MYBPC1: variants seen among roughly 807,000 people sequenced by gnomAD.
MYBPC1 encodes myosin binding protein C1.
MYBPC1 carries 52 observed loss-of-function variants against 147.1 expected under a neutral mutation model. The ratio of observed to expected loss-of-function variants is 0.35; its 90% CI spans 0.28 to 0.45. The LOEUF (loss-of-function observed/expected upper bound fraction) is 0.45, where lower values mean the gene tolerates loss of function less well. MYBPC1 is among the 20% of genes least tolerant of loss of function. MYBPC1 has a pLI of 1.00. For synonymous variants in MYBPC1, 477 were observed against 475.9 expected (o/e 1.00, Z -0.03); for missense variants, 1,228 against 1,440.3 (o/e 0.85, Z 2.39).
At chr12:101,632,316 T>C (rs1890078684) in intron 8 of MYBPC1, among the ~76,000 whole-genome samples, 178 bp downstream of exon 8, 1 of 152,180 alleles carries the variant, frequency 6.6e-6, no homozygotes, top group Non-Finnish European at 1.5e-5. Context: ...TAATTTATAA[T>C]AAAAGTAGAA....
chr12:101,689,355 T>C (rs1439496724), downstream of MYBPC1, among the ~76,000 whole-genome samples: 1 of 152,182 alleles, frequency 6.6e-6, no homozygotes, highest in Non-Finnish European at 1.5e-5. Flanking sequence ...ACTGCAGAGA[T>C]GCCTGTCATT....
chr12:101,647,817 G>A (rs1182216557), intron 13 of MYBPC1, among the ~76,000 whole-genome samples: 4 of 152,176 alleles, frequency 2.6e-5, no homozygotes, highest in East Asian at 1.9e-4. Flanking sequence ...AACCTAGGGG[G>A]TGGAGGTTAC....
At chr12:101,687,090 A>T (rs1006211409), downstream of MYBPC1, among the ~76,000 whole-genome samples, 20 of 151,854 alleles carry the variant, frequency 1.3e-4, no homozygotes, top group Non-Finnish European at 2.9e-4. Flanking sequence ...TATTTTTATT[A>T]TACTCTAAGT....
chr12:101,636,102 G>A (rs538370143), intron 9 of MYBPC1, among the ~76,000 whole-genome samples: 1 of 152,052 alleles, frequency 6.6e-6, no homozygotes, highest in Non-Finnish European at 1.5e-5. Flanking sequence ...AAGACAGAAA[G>A]GAATGCATCT....
chr12:101,605,189 G>T (rs1366985018), intron 1 of MYBPC1, among the ~76,000 whole-genome samples: 1 of 152,114 alleles, frequency 6.6e-6, no homozygotes, highest in Non-Finnish European at 1.5e-5. Flanking sequence ...TTCTGCATAG[G>T]GTAGGTGTTA....
In MYBPC1 at chr12:101,680,211, TAA is replaced by T. The variant is rs1950844787; in HGVS notation, c.3247-129_3247-128del. On this transcript the variant is annotated intron_variant, in intron 28 of 31. Coordinates refer to ENST00000361466, the MANE Select transcript of MYBPC1 (RefSeq NM_002465.4). Reference sequence around the variant, plus strand: ...GTTTAATGTGAGAAATAGTGTCAAGTAAAAGTCTATCCTTCTCAGATGCACTT... The same window carrying T: ...GTTTAATGTGAGAAATAGTGTCAAGTAAGTCTATCCTTCTCAGATGCACTT... 1.5e-5 allele frequency: 13 copies of T among 870,372 alleles called. No homozygotes were observed. The South Asian group carries it at 1.9e-4, about 13-fold the overall frequency. The allele number at this position is 870,372 out of a possible 1,614,324, so 53.9% of individuals were successfully genotyped here.
intron 3 of MYBPC1, among the ~76,000 whole-genome samples, chr12:101,618,854 CGTGT>C (rs35811344): frequency 0.044 from 6,029 of 136,830 alleles, 239 homozygotes; most frequent in East Asian, 0.22. Context: ...CAAAAACTGC[CGTGT>C]GTGTGTGTGT....
chr12:101,629,345 C>T, intron 5 of MYBPC1, 89 bp from the exon 6 acceptor site: 3 of 867,026 alleles, frequency 3.5e-6, no homozygotes, highest in South Asian at 2.7e-5. Flanking sequence ...AGAAAAGCTA[C>T]AGCGTTGGTG....
chr12:101,626,898 G>C lies in MYBPC1; in HGVS notation c.130G>C (p.Ala44Pro). Reference protein sequence around the residue: ...KDEEEVSPPSALPPGLGSRAL... With the variant: ...KDEEEVSPPSPLPPGLGSRAL... The stretch of plus-strand genomic sequence containing the variant: ...TGAAGAGGAAGTCTCCCCGCCTAGC[G>C]CCTTGCCTCCAGGTTGGGATAATTT... The change falls in exon 4 of 32, where the codon GCC becomes CCC. Residue 44 changes from alanine (A) to proline (P), a missense_variant. Ala to Pro is a conservative substitution (Grantham distance 27). This residue lies in a region of MYBPC1 where 151 missense variants were observed against 126.1 expected (regional missense o/e 1.20). Transcript: ENST00000361466. 6.2e-7 allele frequency: 1 copy of C among 1,612,364 alleles called. No homozygotes were observed. The highest frequency in any genetic ancestry group is 8.5e-7 in the Non-Finnish European group (1 of 1,178,428).
downstream of MYBPC1, among the ~76,000 whole-genome samples, chr12:101,686,607 G>A (rs1001994978): frequency 1.3e-5 from 2 of 152,176 alleles, no homozygotes; most frequent in African/African-American, 4.8e-5. Context: ...CGAACTGTAA[G>A]GTACCACAGC....
rs758898403 is a variant in MYBPC1, at chr12:101,614,514, C to T, written c.44C>T (p.Pro15Leu). ...TKKEENEVPA[P>L]APPPEEPSKE... ...TTTCTAGAAAATGAAGTGCCAGCCC[C>T]AGCCCCACCCCCGGAAGGTGAGTAA... The change falls in exon 2 of 32, where the codon CCA becomes CTA. Residue 15 changes from proline (P) to leucine (L), a missense_variant. Physicochemically the swap from Pro to Leu is moderately conservative, Grantham distance 98. Around this residue, in one of 2 missense-constraint regions of MYBPC1, gnomAD observed 151 missense variants for 126.1 expected, o/e 1.20. Transcript: ENST00000361466. 1.2e-5 allele frequency: 20 copies of T among 1,613,838 alleles called. No homozygotes were observed. The South Asian group carries it at 1.4e-4, about 12-fold the overall frequency.
At position 101,617,186 on chromosome 12, in the gene MYBPC1, T is replaced by C; in HGVS notation, c.62-16T>C. On this transcript the variant is annotated splice_polypyrimidine_tract_variant and intron_variant, in intron 2 of 31. Transcript: ENST00000361466. ...TTTAAGGCACTTTAAAAAATATGCT[T>C]GTACTTTCTACACAGAACCAAGTAA... The C allele has an allele frequency of 6.2e-7, 1 of 1,613,610 alleles. No homozygotes were observed. Among genetic ancestry groups the C allele is most frequent in the Non-Finnish European group, 8.5e-7 (1 of 1,179,748 alleles).
chr12:101,680,523 G>A lies in MYBPC1; in HGVS notation c.3427G>A (p.Val1143Met). The A allele has an allele frequency of 6.2e-7, 1 of 1,613,922 alleles. No homozygotes were observed. Among genetic ancestry groups the A allele is most frequent in the Non-Finnish European group, 8.5e-7 (1 of 1,179,866 alleles). ...GTVEIECKLE[V>M]KVIYQGVNTP... Reference sequence around the variant, plus strand: ...AGTGGAGATTGAATGCAAACTGGAGGTGAAAGGTATGACATCCAATATCTC... The same window carrying A: ...AGTGGAGATTGAATGCAAACTGGAGATGAAAGGTATGACATCCAATATCTC... The change falls in exon 29 of 32, where the codon GTG (valine) becomes ATG (methionine). Residue 1143 changes from valine (V) to methionine (M), a missense_variant. Physicochemically the swap from Val to Met is conservative, Grantham distance 21. Around this residue, in one of 2 missense-constraint regions of MYBPC1, gnomAD observed 1,077 missense variants for 1,314.2 expected, o/e 0.82. Coordinates refer to ENST00000361466, the MANE Select transcript of MYBPC1 (RefSeq NM_002465.4).
chr12:101,595,870 C>A (rs1877036072), intron 1 of MYBPC1, among the ~76,000 whole-genome samples: 1 of 151,668 alleles, frequency 6.6e-6, no homozygotes, highest in Admixed American at 6.6e-5. Context: ...TTAAAGCTAC[C>A]AATTGGTAAC....
At chr12:101,670,298 T>A (rs762569866) in intron 23 of MYBPC1, 23 bp from the exon 24 acceptor site, 1 of 1,593,566 alleles carries the variant, frequency 6.3e-7, no homozygotes, top group East Asian at 2.2e-5. Flanking sequence ...ATTGCAAAAT[T>A]GTGCTATTTT....
chr12:101,595,774 G>C (rs927178420), intron 1 of MYBPC1, among the ~76,000 whole-genome samples: 2 of 152,062 alleles, frequency 1.3e-5, no homozygotes, highest in African/African-American at 4.8e-5. Flanking sequence ...TTTAAGAATA[G>C]TTAAGCTGAA....
chr12:101,605,818 T>C (rs962622976), intron 1 of MYBPC1, among the ~76,000 whole-genome samples: 8 of 152,048 alleles, frequency 5.3e-5, no homozygotes, highest in African/African-American at 1.9e-4. Context: ...GCCGAGATCA[T>C]GCCATTGCCC....
rs771245355 is a variant in MYBPC1, at chr12:101,651,259, G to C, written c.1392G>C (p.Leu464=). Residue 464 remains leucine (L), a synonymous_variant, in exon 16 of 32, where the codon CTG becomes CTC. Coordinates refer to ENST00000361466, the MANE Select transcript of MYBPC1 (RefSeq NM_002465.4). ...AACCTCTGAAGATTTTGACACCTCT[G>C]ACTGATCAGACTGTAAATCTTGGAA... ...DLKPLKILTP[L]TDQTVNLGKE... 2 of 1,614,036 alleles carry C rather than the reference G, an allele frequency of 1.2e-6. No individual in the cohort carries two copies. The highest frequency in any genetic ancestry group is 4.5e-5 in the East Asian group (2 of 44,886).
chr12:101,645,729 C>T (rs2136220819), intron 12 of MYBPC1, among the ~76,000 whole-genome samples: 1 of 152,268 alleles, frequency 6.6e-6, no homozygotes, highest in Non-Finnish European at 1.5e-5. Flanking sequence ...CTGAGAAATT[C>T]CCAAAACAGT....
Sources: allele counts gnomAD v4.1 joint callset (sites outside exome capture counted in the v4.1 genomes callset), GRCh38; gene constraint gnomAD v4.1.1; regional missense constraint gnomAD v4.1.1; transcripts MANE v1.5; gene names NCBI Gene and HGNC (gene_info 2026-07-23, HGNC 2026-07-21).